MCM9: variants seen among roughly 807,000 people sequenced by gnomAD.
The protein encoded by MCM9 is minichromosome maintenance 9 homologous recombination repair factor, also known as DNA helicase MCM9.
Under a neutral mutation model 72.8 loss-of-function variants are expected in MCM9, and 55 were observed. The ratio of observed to expected loss-of-function variants is 0.76; its 90% confidence interval spans 0.61 to 0.95. The LOEUF is 0.95. Among genes scored for constraint, MCM9 ranks in the 40% least tolerant of loss-of-function variants. The pLI is 0.00. For synonymous variants in MCM9, 480 were observed against 503.4 expected (o/e 0.95, Z 0.62); for missense variants, 1,279 against 1,377.0 (o/e 0.93, Z 1.13).
chr6:118,911,175 G>C (rs1020901331), intron 8 of MCM9: 6 of 985,190 alleles, frequency 6.1e-6, no homozygotes, highest in Non-Finnish European at 7.2e-6. Flanking sequence ...GCTCCACATT[G>C]CAATGATGGA....
intron 8 of MCM9, among the ~76,000 whole-genome samples, chr6:118,881,633 TAA>T (rs1778294429): frequency 6.6e-6 from 1 of 152,162 alleles, no homozygotes; most frequent in South Asian, 2.1e-4. Flanking sequence ...AAAACAGCGT[TAA>T]AAACATCACT....
intron 3 of MCM9, among the ~76,000 whole-genome samples, chr6:118,928,641 A>G (rs1047857036): frequency 6.6e-6 from 1 of 151,536 alleles, no homozygotes; most frequent in Non-Finnish European, 1.5e-5. Context: ...TGAGGCTAGG[A>G]GTTCAAGACC....
chr6:118,820,889 T>C (rs1398110413), intron 13 of MCM9, among the ~76,000 whole-genome samples: 2 of 152,218 alleles, frequency 1.3e-5, no homozygotes, highest in African/African-American at 2.4e-5. Flanking sequence ...CCCTTCTTTG[T>C]CTTTTTTGAT....
In MCM9 at chr6:118,843,881, G is replaced by C. The variant is rs572629687; in HGVS notation, c.1325+12490C>G. On this transcript the variant is annotated intron_variant, in intron 9 of 13. Transcript: ENST00000619706. Reference sequence around the variant, plus strand: ...ACTTGAGACAGGAGAAAGAGAAAAAGAGAAAGAAAGCAAAAGCAGACATAT... The same window carrying C: ...ACTTGAGACAGGAGAAAGAGAAAAACAGAAAGAAAGCAAAAGCAGACATAT... 3.3e-5 allele frequency among the ~76,000 whole-genome samples: 5 copies of C among 151,246 alleles called. No individual in the cohort carries two copies. In the East Asian group the frequency reaches 7.8e-4, roughly 24 times the overall value.
intron 10 of MCM9, among the ~76,000 whole-genome samples, chr6:118,828,608 C>T (rs1774326030): frequency 6.6e-6 from 1 of 152,290 alleles, no homozygotes; most frequent in Non-Finnish European, 1.5e-5. Context: ...TGGTCTTGAA[C>T]TCCTGACCTC....
intron 3 of MCM9, among the ~76,000 whole-genome samples, chr6:118,925,078 A>G (rs1781779729): frequency 6.6e-6 from 1 of 151,344 alleles, no homozygotes; most frequent in Non-Finnish European, 1.5e-5. Flanking sequence ...GGAAGGAAGG[A>G]GGGAAGGAGA....
chr6:118,925,479 T>C (rs1276565684), intron 3 of MCM9, among the ~76,000 whole-genome samples: 1 of 152,144 alleles, frequency 6.6e-6, no homozygotes, highest in Admixed American at 6.5e-5. Flanking sequence ...CAAATTAGAG[T>C]AACTGAATGT....
At chr6:118,838,692 A>G (rs1352627971) in intron 9 of MCM9, among the ~76,000 whole-genome samples, 1 of 152,202 alleles carries the variant, frequency 6.6e-6, no homozygotes, top group Non-Finnish European at 1.5e-5. Flanking sequence ...AAGTGCTGGG[A>G]TTAGAGGCGT....
At chr6:118,842,443 A>G (rs576531975) in intron 9 of MCM9, among the ~76,000 whole-genome samples, 1 of 152,216 alleles carries the variant, frequency 6.6e-6, no homozygotes, top group Non-Finnish European at 1.5e-5. Context: ...ACACACTGTC[A>G]TGTGGCACTG....
At chr6:118,859,962 G>A (rs139447489) in intron 8 of MCM9, among the ~76,000 whole-genome samples, 46,926 of 151,994 alleles carry the variant, frequency 0.31, 8,221 homozygotes, top group East Asian at 0.65. Context: ...TCACTAAAAG[G>A]CTGAGACCTA....
chr6:118,897,520 T>C (rs903155487), intron 8 of MCM9, among the ~76,000 whole-genome samples: 14 of 152,140 alleles, frequency 9.2e-5, no homozygotes, highest in African/African-American at 3.4e-4. Flanking sequence ...TGGTGCTTCA[T>C]ACTTTCCAAC....
At chr6:118,875,458 G>C (rs1777874778) in intron 8 of MCM9, among the ~76,000 whole-genome samples, 1 of 151,970 alleles carries the variant, frequency 6.6e-6, no homozygotes, top group African/African-American at 2.4e-5. Context: ...GAAACACAGG[G>C]AGACCCTGTC....
intron 8 of MCM9, among the ~76,000 whole-genome samples, chr6:118,863,775 G>C (rs931580533): frequency 1.3e-5 from 2 of 152,106 alleles, no homozygotes; most frequent in Non-Finnish European, 2.9e-5. Flanking sequence ...TCTGCAGAGA[G>C]TCCTCATCAG....
At chr6:118,898,037 T>C (rs1264216123) in intron 8 of MCM9, among the ~76,000 whole-genome samples, 1 of 152,202 alleles carries the variant, frequency 6.6e-6, no homozygotes, top group Non-Finnish European at 1.5e-5. Context: ...CCACTGCTAA[T>C]TTCAGAGCTA....
intron 3 of MCM9, among the ~76,000 whole-genome samples, chr6:118,928,807 G>T (rs1341314169): frequency 6.6e-6 from 1 of 151,358 alleles, no homozygotes; most frequent in Non-Finnish European, 1.5e-5. Context: ...AGCTATGATT[G>T]TTGTGCAACT....
chr6:118,850,249 T>C (rs1934923), intron 9 of MCM9, among the ~76,000 whole-genome samples: 110,402 of 151,570 alleles, frequency 0.73, 41,675 homozygotes, highest in South Asian at 0.83. Flanking sequence ...CAAAGAGAGC[T>C]TGAATATTAG....
rs553377642 is a variant in MCM9, at chr6:118,887,168, G to A, written c.1150+24482C>T. On this transcript the variant is annotated intron_variant, in intron 8 of 13. Transcript: ENST00000619706. ...CTAAAATTCATATGAAAATTCAAGG[G>A]ATGCAAAATAGCCAATATTGAAAAA... 2.0e-5 allele frequency among the ~76,000 whole-genome samples: 3 copies of A among 151,966 alleles called. No homozygotes were observed. The East Asian group carries it at 5.8e-4, about 29-fold the overall frequency.
At chr6:118,883,846 T>C (rs188750107) in intron 8 of MCM9, among the ~76,000 whole-genome samples, 3 of 152,334 alleles carry the variant, frequency 2.0e-5, no homozygotes, top group East Asian at 3.9e-4. Context: ...GGAGGTTCTT[T>C]AAGCCAAAAG....
intron 8 of MCM9, among the ~76,000 whole-genome samples, chr6:118,869,515 A>T (rs1777444208): frequency 6.6e-6 from 1 of 151,674 alleles, no homozygotes; most frequent in South Asian, 2.1e-4. Context: ...AGATACACAA[A>T]AGAGAAAAGA....
Sources: allele counts gnomAD v4.1 joint callset (sites outside exome capture counted in the v4.1 genomes callset), GRCh38; gene constraint gnomAD v4.1.1; transcripts MANE v1.5; gene names NCBI Gene and HGNC (gene_info 2026-07-23, HGNC 2026-07-21).